WWOX: variants seen among roughly 807,000 people sequenced by gnomAD.
WWOX encodes the protein WW domain containing oxidoreductase, also known as WW domain-containing oxidoreductase.
WWOX carries 69 observed loss-of-function variants against 46.2 expected under a neutral mutation model. The observed-to-expected ratio is 1.49, with a 90% CI of 1.23 to 1.82. The LOEUF is 1.82. WWOX is among the 40% of genes most tolerant of loss of function. The pLI, the probability that WWOX is intolerant of heterozygous loss-of-function variation, is 0.00. For missense variants in WWOX, 919 were observed against 542.6 expected (o/e 1.69, Z -6.89); for synonymous variants, 359 against 202.6 (o/e 1.77, Z -6.56).
chr16:78,852,872 C>A (rs1186976971), intron 8 of WWOX, among the ~76,000 whole-genome samples: 1 of 152,024 alleles, frequency 6.6e-6, no homozygotes, highest in Non-Finnish European at 1.5e-5. Context: ...TTCTTTGTTC[C>A]CTCTGCATAT....
chr16:78,518,710 C>G (rs553738846), intron 8 of WWOX, among the ~76,000 whole-genome samples: 23 of 152,264 alleles, frequency 1.5e-4, no homozygotes, highest in African/African-American at 5.5e-4. Context: ...CCTGGGGAAC[C>G]AGTGGGCAGC....
intron 8 of WWOX, among the ~76,000 whole-genome samples, chr16:78,689,221 G>C (rs1258296413): frequency 6.6e-6 from 1 of 152,194 alleles, no homozygotes; most frequent in African/African-American, 2.4e-5. Context: ...ACCTTGTTGA[G>C]AAATGCTGTT....
At chr16:78,906,700 C>G (rs1257863204) in intron 8 of WWOX, among the ~76,000 whole-genome samples, 3 of 152,182 alleles carry the variant, frequency 2.0e-5, no homozygotes, top group Non-Finnish European at 4.4e-5. Context: ...AGGACCTTAT[C>G]CTGTCAGCTC....
chr16:78,861,059 A>G (rs181068194), intron 8 of WWOX, among the ~76,000 whole-genome samples: 275 of 152,204 alleles, frequency 1.8e-3, no homozygotes, highest in African/African-American at 6.1e-3. Context: ...GGCTCAAGCA[A>G]TGTGCTTGCC....
intron 8 of WWOX, among the ~76,000 whole-genome samples, chr16:78,614,560 G>A (rs1432370555): frequency 6.6e-6 from 1 of 152,178 alleles, no homozygotes; most frequent in Non-Finnish European, 1.5e-5. Flanking sequence ...TTGAACACCT[G>A]TTGATGCCAT....
chr16:78,390,213 C>T (rs1395572819), intron 6 of WWOX, among the ~76,000 whole-genome samples: 1 of 152,192 alleles, frequency 6.6e-6, no homozygotes, highest in African/African-American at 2.4e-5. Flanking sequence ...TAACTTTGTC[C>T]AGTTCCTCTG....
At chr16:78,913,562 G>C (rs2045167577) in intron 8 of WWOX, among the ~76,000 whole-genome samples, 1 of 151,940 alleles carries the variant, frequency 6.6e-6, no homozygotes, top group Non-Finnish European at 1.5e-5. Context: ...TTGTCGATCA[G>C]AAATACAGAA....
chr16:78,642,489 C>G (rs2046743717), intron 8 of WWOX, among the ~76,000 whole-genome samples: 1 of 152,122 alleles, frequency 6.6e-6, no homozygotes, highest in South Asian at 2.1e-4. Flanking sequence ...TGTATGTGCA[C>G]CAGGTCAGAT....
At position 78,196,386 on chromosome 16, in the gene WWOX, G is replaced by C. The variant is rs190558389; in HGVS notation, c.516+32097G>C. 5.3e-5 allele frequency among the ~76,000 whole-genome samples: 8 copies of C among 152,206 alleles called. No individual in the cohort carries two copies. In the East Asian group the frequency reaches 1.5e-3, roughly 29 times the overall value. ...AAGGACATATAAAAGAACCCCTAAA[G>C]AGAGTAATTACTGCTGTACTCTTTA... On this transcript the variant is annotated intron_variant, in intron 5 of 8. Transcript: ENST00000566780.
chr16:78,396,304 GAA>G (rs201330100), intron 6 of WWOX, among the ~76,000 whole-genome samples: 4 of 148,618 alleles, frequency 2.7e-5, no homozygotes, highest in Admixed American at 1.3e-4. Flanking sequence ...ACATTTGTCG[GAA>G]AAAAAAAAGT....
At chr16:78,471,555 C>T (rs186786159) in intron 8 of WWOX, among the ~76,000 whole-genome samples, 1 of 152,142 alleles carries the variant, frequency 6.6e-6, no homozygotes, top group Non-Finnish European at 1.5e-5. Flanking sequence ...TTTACATCCT[C>T]CATGAAATCT....
At chr16:78,116,128 A>G (rs2151676279) in intron 4 of WWOX, among the ~76,000 whole-genome samples, 1 of 152,318 alleles carries the variant, frequency 6.6e-6, no homozygotes. Flanking sequence ...CCCCTCAAGA[A>G]TTTATCCTTT....
intron 8 of WWOX, among the ~76,000 whole-genome samples, chr16:78,982,982 G>A (rs937292711): frequency 1.3e-5 from 2 of 152,122 alleles, no homozygotes; most frequent in African/African-American, 4.8e-5. Flanking sequence ...AGTCTTTGGG[G>A]CTGTGGTTTC....
intron 8 of WWOX, among the ~76,000 whole-genome samples, chr16:78,958,948 G>A (rs1234982548): frequency 2.0e-5 from 3 of 152,136 alleles, no homozygotes; most frequent in Non-Finnish European, 2.9e-5. Context: ...TAAGAGTTCT[G>A]GGTTCAAGAT....
chr16:79,164,953 C>T (rs761709866), intron 8 of WWOX, among the ~76,000 whole-genome samples: 8 of 152,082 alleles, frequency 5.3e-5, no homozygotes, highest in African/African-American at 1.9e-4. Flanking sequence ...GTTATTCACC[C>T]AGTACAACTC....
chr16:78,806,305 T>G (rs149109875), intron 8 of WWOX, among the ~76,000 whole-genome samples: 2 of 152,332 alleles, frequency 1.3e-5, no homozygotes, highest in East Asian at 3.9e-4. Flanking sequence ...CCCTATTCTT[T>G]AGAGTTTCAT....
intron 8 of WWOX, among the ~76,000 whole-genome samples, chr16:79,018,561 C>G (rs945720347): frequency 6.6e-6 from 1 of 152,074 alleles, no homozygotes; most frequent in African/African-American, 2.4e-5. Flanking sequence ...AGTGGGCTGT[C>G]TGTATTGATC....
intron 8 of WWOX, among the ~76,000 whole-genome samples, chr16:78,977,813 A>T (rs552407404): frequency 6.6e-6 from 1 of 152,264 alleles, no homozygotes; most frequent in Admixed American, 6.5e-5. Context: ...CCAAGCTCCC[A>T]TCTGGGAAGC....
intron 8 of WWOX, among the ~76,000 whole-genome samples, chr16:78,942,976 T>C (rs959044440): frequency 2.0e-5 from 3 of 152,206 alleles, no homozygotes; most frequent in Non-Finnish European, 4.4e-5. Flanking sequence ...CAGTCTTGGA[T>C]TTGTATCAGA....
Sources: allele counts gnomAD v4.1 joint callset (sites outside exome capture counted in the v4.1 genomes callset), GRCh38; gene constraint gnomAD v4.1.1; transcripts MANE v1.5; gene names NCBI Gene and HGNC (gene_info 2026-07-23, HGNC 2026-07-21).